MAP3K5: variants seen among roughly 807,000 people sequenced by gnomAD.
The protein encoded by MAP3K5 is mitogen-activated protein kinase kinase kinase 5, also known as ASK-1.
Under a neutral mutation model 158.7 loss-of-function variants are expected in MAP3K5, and 56 were observed. The ratio of observed to expected loss-of-function variants is 0.35; its 90% CI spans 0.28 to 0.44. The LOEUF (loss-of-function observed/expected upper bound fraction) is 0.44, where lower values mean the gene tolerates loss of function less well. Ranked by LOEUF, MAP3K5 falls within the 20% of genes least tolerant of loss-of-function variation. The probability of loss-of-function intolerance (pLI) is 1.00; values close to 1 mark genes in which losing one functional copy is unlikely to be tolerated. For missense variants in MAP3K5, 1,294 were observed against 1,674.8 expected (o/e 0.77, Z 3.97); for synonymous variants, 579 against 601.7 (o/e 0.96, Z 0.55).
chr6:136,671,738 C>T (rs1361053497), intron 7 of MAP3K5, among the ~76,000 whole-genome samples: 1 of 152,042 alleles, frequency 6.6e-6, no homozygotes, highest in African/African-American at 2.4e-5. Context: ...CTCAGCCTCC[C>T]GAGTAGCTCG....
chr6:136,633,007 A>G (rs952353985), intron 14 of MAP3K5, among the ~76,000 whole-genome samples: 4 of 152,206 alleles, frequency 2.6e-5, no homozygotes, highest in African/African-American at 7.2e-5. Context: ...TCCTTCTCTG[A>G]GAAGTGGTAT....
chr6:136,596,185 T>C (rs970308709), intron 21 of MAP3K5, among the ~76,000 whole-genome samples: 2 of 151,952 alleles, frequency 1.3e-5, no homozygotes, highest in African/African-American at 2.4e-5. Context: ...AAGAAGGGGA[T>C]GAACAGGCAG....
intron 9 of MAP3K5, among the ~76,000 whole-genome samples, chr6:136,658,927 T>C (rs1305726356): frequency 2.0e-5 from 3 of 152,188 alleles, no homozygotes; most frequent in Non-Finnish European, 4.4e-5. Context: ...TATTTGCAGG[T>C]GCAAAATGCA....
chr6:136,744,599 C>A (rs970337304), intron 1 of MAP3K5, among the ~76,000 whole-genome samples: 1 of 152,154 alleles, frequency 6.6e-6, no homozygotes, highest in Non-Finnish European at 1.5e-5. Flanking sequence ...GAACTTCCAA[C>A]CCCATGCACT....
chr6:136,561,133 C>T (rs113404320), intron 28 of MAP3K5, among the ~76,000 whole-genome samples: 2 of 151,978 alleles, frequency 1.3e-5, no homozygotes, highest in Admixed American at 1.3e-4. Context: ...TTGCCTGCCT[C>T]GTTGGATTGT....
rs745427820 is a variant in MAP3K5, at chr6:136,622,947, A to T, written c.2051T>A (p.Val684Asp). The change falls in exon 15 of 30, where the codon GTC (valine) becomes GAC (aspartate). Residue 684 changes from valine (V) to aspartate (D), a missense_variant. Coordinates refer to ENST00000359015, the MANE Select transcript of MAP3K5 (RefSeq NM_005923.4). ...CCCATAAGTGCCTTTTCCTAAAACGACTCTGTCACCATTTTCATCATATTC... is the reference window on the plus strand; with the variant it reads ...CCCATAAGTGCCTTTTCCTAAAACGTCTCTGTCACCATTTTCATCATATTC... ...DYEYDENGDR[V>D]VLGKGTYGIV... is the part of the protein sequence containing the mutation. 1.2e-6 allele frequency: 2 copies of T among 1,613,902 alleles called. No individual in the cohort carries two copies. The highest frequency in any genetic ancestry group is 1.1e-5 in the South Asian group (1 of 91,074).
At chr6:136,664,016 A>G (rs1228489136) in intron 8 of MAP3K5, among the ~76,000 whole-genome samples, 1 of 152,164 alleles carries the variant, frequency 6.6e-6, no homozygotes, top group African/African-American at 2.4e-5. Context: ...TCCCAGGGCC[A>G]TGGACAGTTA....
chr6:136,567,095 T>C (rs893148598), intron 26 of MAP3K5, among the ~76,000 whole-genome samples: 15 of 152,204 alleles, frequency 9.9e-5, no homozygotes, highest in African/African-American at 3.4e-4. Flanking sequence ...GGTTCTATGC[T>C]AGCAAATTAT....
intron 1 of MAP3K5, among the ~76,000 whole-genome samples, chr6:136,722,752 C>T (rs1781799791): frequency 6.9e-6 from 1 of 145,918 alleles, no homozygotes; most frequent in African/African-American, 2.5e-5. Context: ...AATCATAGCT[C>T]ACTATATATG....
rs140878878 is a variant in MAP3K5 at position 136,786,935 on chromosome 6, G to C, written c.448+4775C>G. 2.8e-3 allele frequency among the ~76,000 whole-genome samples: 428 copies of C among 151,730 alleles called. 2 individuals carry two copies. Among genetic ancestry groups the C allele is most frequent in the Non-Finnish European group, 3.6e-3 (242 of 67,950 alleles). The stretch of plus-strand genomic sequence containing the variant: ...TCCTCCCACCTCAACCTCCCGAGTA[G>C]CTGGGAATAAGTTCTTACTCACTCC... On this transcript the variant is annotated intron_variant, in intron 1 of 29. Transcript: ENST00000359015.
intron 1 of MAP3K5, among the ~76,000 whole-genome samples, chr6:136,765,289 T>C (rs578157669): frequency 6.6e-6 from 1 of 152,268 alleles, no homozygotes; most frequent in South Asian, 2.1e-4. Context: ...CCTATACTTA[T>C]AAAGCAGAAA....
At chr6:136,632,185 AG>A (rs1777398896) in intron 14 of MAP3K5, among the ~76,000 whole-genome samples, 1 of 152,258 alleles carries the variant, frequency 6.6e-6, no homozygotes, top group African/African-American at 2.4e-5. Flanking sequence ...CTACAGCCAG[AG>A]GGGGTGAGAA....
chr6:136,783,596 C>T lies in MAP3K5; in HGVS notation c.448+8114G>A, dbSNP rs544418432. Among the ~76,000 whole-genome samples, 3 of 152,306 alleles carry T rather than the reference C, an allele frequency of 2.0e-5. No homozygotes were observed. The South Asian group carries it at 6.2e-4, about 32-fold the overall frequency. Reference sequence around the variant, plus strand: ...GCCCACCTCCACCACATTTCCCACTCTCATCTTGCCCCAGGTGGAGCGGGG... The same window carrying T: ...GCCCACCTCCACCACATTTCCCACTTTCATCTTGCCCCAGGTGGAGCGGGG... On this transcript the variant is annotated intron_variant, in intron 1 of 29. Transcript: ENST00000359015.
At chr6:136,641,662 T>G (rs911530938) in intron 12 of MAP3K5, among the ~76,000 whole-genome samples, 128 of 135,408 alleles carry the variant, frequency 9.5e-4, no homozygotes, top group African/African-American at 3.1e-3. Flanking sequence ...TTTTTTTTTT[T>G]TAATGGACTC....
chr6:136,653,728 T>G (rs1161360842), intron 10 of MAP3K5, among the ~76,000 whole-genome samples: 1 of 152,232 alleles, frequency 6.6e-6, no homozygotes, highest in Non-Finnish European at 1.5e-5. Flanking sequence ...TTATCATACA[T>G]GTAAATATAA....
intron 24 of MAP3K5, 138 bp from the exon 25 acceptor site, chr6:136,580,544 C>T: frequency 1.9e-6 from 1 of 530,858 alleles, no homozygotes; most frequent in Admixed American, 3.0e-5. Flanking sequence ...TTCTTTATGT[C>T]ATTGGAAAAC....
intron 1 of MAP3K5, among the ~76,000 whole-genome samples, chr6:136,723,214 T>C (rs902683387): frequency 8.6e-5 from 13 of 151,964 alleles, no homozygotes; most frequent in African/African-American, 2.7e-4. Flanking sequence ...AATAATGATA[T>C]ATATGTATAT....
chr6:136,621,536 A>T (rs1776802212), intron 15 of MAP3K5, among the ~76,000 whole-genome samples: 1 of 152,154 alleles, frequency 6.6e-6, no homozygotes, highest in Admixed American at 6.6e-5. Flanking sequence ...ATAGGCCTTT[A>T]GTGATGTGGT....
rs1462882175 is a variant in MAP3K5 at position 136,774,018 on chromosome 6, C to A, written c.448+17692G>T. ...TATCATAGGCCTTCTCTTTATCCTA[C>A]CCCTTCCTTATGGAGAGACTCATTT... is the stretch of plus-strand genomic sequence containing the variant. On this transcript the variant is annotated intron_variant, in intron 1 of 29. Transcript: ENST00000359015. 2.0e-5 allele frequency among the ~76,000 whole-genome samples: 3 copies of A among 152,148 alleles called. No homozygotes were observed. The South Asian group carries it at 6.2e-4, about 32-fold the overall frequency.
Sources: allele counts gnomAD v4.1 joint callset (sites outside exome capture counted in the v4.1 genomes callset), GRCh38; gene constraint gnomAD v4.1.1; transcripts MANE v1.5; gene names NCBI Gene and HGNC (gene_info 2026-07-23, HGNC 2026-07-21).